The following NUP88 variants were observed in gnomAD, a reference collection of about 807,000 sequenced individuals.
The protein encoded by NUP88 is nucleoporin 88, also known as nuclear pore complex protein Nup88.
A neutral mutation model predicts 93.9 loss-of-function variants in NUP88; 57 were observed. The ratio of observed to expected loss-of-function variants is 0.61; its 90% CI spans 0.49 to 0.76. The LOEUF is 0.76. NUP88 is among the 30% of genes least tolerant of loss of function. The pLI is 0.00. For missense variants in NUP88, 911 were observed against 901.0 expected, an observed-to-expected ratio of 1.01 and a Z score of -0.14; for synonymous variants, 346 against 336.8, an observed-to-expected ratio of 1.03 and a Z score of -0.30.
rs1912035937 is a variant in NUP88 at position 5,387,001 on chromosome 17, C to G, written c.2026G>C (p.Gly676Arg). 1 of 1,613,982 alleles carries G rather than the reference C, an allele frequency of 6.2e-7. No individual in the cohort carries two copies. The highest frequency in any genetic ancestry group is 8.5e-7 in the Non-Finnish European group (1 of 1,179,990). ...QLIPDQLRHL[G>R]NAIKQVTMKK... ...ATTCCTACCTGTTTGATGGCATTGC[C>G]CAAATGTCGAAGTTGATCAGGTATC... Residue 676 changes from glycine (G) to arginine (R), a missense_variant, in exon 15 of 17, where the codon GGC becomes CGC. Coordinates refer to ENST00000573584, the MANE Select transcript of NUP88 (RefSeq NM_002532.6).
intron 9 of NUP88, among the ~76,000 whole-genome samples, chr17:5,391,919 T>C (rs1391810680): frequency 8.0e-6 from 1 of 125,764 alleles, no homozygotes; most frequent in Admixed American, 7.8e-5. Flanking sequence ...AAGTTACACG[T>C]TACACTGAAG....
At chr17:5,389,281 A>G (rs1391492300) in intron 10 of NUP88, among the ~76,000 whole-genome samples, 1 of 152,264 alleles carries the variant, frequency 6.6e-6, no homozygotes, top group Non-Finnish European at 1.5e-5. Flanking sequence ...CCACAAACAT[A>G]AATTACTTAT....
intron 7 of NUP88, among the ~76,000 whole-genome samples, chr17:5,402,317 A>C (rs1421388803): frequency 1.3e-5 from 2 of 151,974 alleles, no homozygotes; most frequent in Non-Finnish European, 2.9e-5. Context: ...CAAAAAAAAA[A>C]ACAAAAAACA....
chr17:5,395,710 G>A (rs1318764925), intron 8 of NUP88, among the ~76,000 whole-genome samples: 1 of 151,776 alleles, frequency 6.6e-6, no homozygotes, highest in Non-Finnish European at 1.5e-5. Context: ...AGTAGACAGG[G>A]TTTCACGGTA....
chr17:5,403,498 T>A (rs1567572346), intron 7 of NUP88, among the ~76,000 whole-genome samples: 1 of 151,002 alleles, frequency 6.6e-6, no homozygotes, highest in Non-Finnish European at 1.5e-5. Context: ...ATAAATGAAA[T>A]AAAAATATAA....
chr17:5,408,955 A>C, intron 4 of NUP88, 46 bp from the exon 5 acceptor site: 1 of 1,452,608 alleles, frequency 6.9e-7, no homozygotes. Flanking sequence ...AAAAACAACA[A>C]AAAGTAAAAA....
At chr17:5,404,334 C>G in intron 6 of NUP88, 88 bp from the exon 7 acceptor site, 1 of 1,395,420 alleles carries the variant, frequency 7.2e-7, no homozygotes, top group Admixed American at 1.9e-5. Flanking sequence ...GGGTCAGGGC[C>G]GGGTGCGGCT....
chr17:5,412,323 C>T (rs1016403387), intron 3 of NUP88, among the ~76,000 whole-genome samples: 1 of 152,126 alleles, frequency 6.6e-6, no homozygotes, highest in Non-Finnish European at 1.5e-5. Context: ...AATGGGTGGG[C>T]AGGGAAGGCT....
At chr17:5,402,176 G>T (rs927910871) in intron 7 of NUP88, among the ~76,000 whole-genome samples, 3 of 152,024 alleles carry the variant, frequency 2.0e-5, no homozygotes, top group African/African-American at 7.2e-5. Flanking sequence ...GCCTGGTGGC[G>T]CATGACTATA....
At chr17:5,388,048 T>G (rs1912153939) in intron 11 of NUP88, 144 bp from the exon 12 acceptor site, 1 of 775,140 alleles carries the variant, frequency 1.3e-6, no homozygotes, top group African/African-American at 1.8e-5. Flanking sequence ...TCACCCAGGC[T>G]GGAGTGCATT....
At chr17:5,402,607 C>T (rs1913238974) in intron 7 of NUP88, among the ~76,000 whole-genome samples, 1 of 152,200 alleles carries the variant, frequency 6.6e-6, no homozygotes, top group South Asian at 2.1e-4. Context: ...ATTACCAGAA[C>T]TAGGCAAACT....
intron 4 of NUP88, among the ~76,000 whole-genome samples, chr17:5,410,414 A>G (rs912495466): frequency 1.3e-5 from 2 of 152,196 alleles, no homozygotes; most frequent in Admixed American, 6.5e-5. Flanking sequence ...GCAAGATATT[A>G]TCTTAGTTTC....
chr17:5,386,082 AGAT>A lies in NUP88; in HGVS notation c.*121_*123del. ...TTATTATAAAACAACATATTTAAAA[AGAT>A]GAACCACACCAAAGGTCATCAAAAC... On this transcript the variant is annotated 3_prime_UTR_variant, in exon 17 of 17. Coordinates refer to ENST00000573584, the MANE Select transcript of NUP88 (RefSeq NM_002532.6). 1.5e-6 allele frequency: 1 copy of A among 671,510 alleles called. No individual in the cohort carries two copies. The highest frequency in any genetic ancestry group is 2.5e-6 in the Non-Finnish European group (1 of 392,378). 41.6% of individuals were successfully genotyped at this position (671,510 alleles called of 1,614,324 possible).
chr17:5,387,372 T>C lies in NUP88; in HGVS notation c.1916+14A>G, dbSNP rs1806225. 4.7e-3 allele frequency: 7,625 copies of C among 1,605,922 alleles called. 310 individuals are homozygous for C. In the African/African-American group the frequency reaches 0.086, roughly 18 times the overall value. ...TACCTGACTAGGTAACTAAATGTTA[T>C]ACAGCCCACTGACCTGTTCATGATA... is the stretch of plus-strand genomic sequence containing the variant. On this transcript the variant is annotated intron_variant, in intron 14 of 16. Coordinates refer to ENST00000573584, the MANE Select transcript of NUP88 (RefSeq NM_002532.6).
intron 8 of NUP88, among the ~76,000 whole-genome samples, chr17:5,396,424 A>T (rs748829232): frequency 6.6e-6 from 1 of 152,220 alleles, no homozygotes; most frequent in African/African-American, 2.4e-5. Context: ...TTCACTTAGC[A>T]TCTGTTCACA....
rs750058764 is a variant in NUP88, at chr17:5,386,741, T to C, written c.2129A>G (p.Gln710Arg). 8.1e-6 allele frequency: 13 copies of C among 1,613,210 alleles called. No individual in the cohort carries two copies. Among genetic ancestry groups the C allele is most frequent in the East Asian group, 6.7e-5 (3 of 44,886 alleles). Residue 710 changes from glutamine (Q) to arginine (R), a missense_variant, in exon 16 of 17, where the codon CAG becomes CGG. Gln to Arg is a conservative substitution (Grantham distance 43). Transcript: ENST00000573584. ...CAGGATGGACTGAATGCACTTTCGC[T>C]GGTAGGCACTGAGAATAATGGTGGG... The part of the protein sequence containing the change: ...PKPTIILSAY[Q>R]RKCIQSILKE...
rs772107157 is a variant in NUP88, at chr17:5,387,036, T to G, written c.1991A>C (p.Glu664Ala). The G allele has an allele frequency of 1.2e-6, 2 of 1,614,150 alleles. No individual in the cohort carries two copies. The highest frequency in any genetic ancestry group is 1.7e-5 in the Admixed American group (1 of 60,026). ...LSDSERDMKK[E>A]LQLIPDQLRH... ...AAGTTGATCAGGTATCAGCTGTAAT[T>G]CTTTCTTCATGTCTCGCTCACTATC... is the stretch of plus-strand genomic sequence containing the variant. The change falls in exon 15 of 17, where the codon GAA (glutamate) becomes GCA (alanine). Residue 664 changes from glutamate (E) to alanine (A), a missense_variant. Transcript: ENST00000573584.
chr17:5,399,791 G>A (rs1913030509), intron 7 of NUP88, 141 bp from the exon 8 acceptor site: 1 of 477,516 alleles, frequency 2.1e-6, no homozygotes, highest in Non-Finnish European at 3.7e-6. Context: ...ATATTGTTAG[G>A]GGTTTTGAAA....
At position 5,419,662 on chromosome 17, in the gene NUP88, T is replaced by C; in HGVS notation, c.-12A>G. On this transcript the variant is annotated 5_prime_UTR_variant, in exon 1 of 17. Coordinates refer to ENST00000573584, the MANE Select transcript of NUP88 (RefSeq NM_002532.6). ...TCGGCGGCCGCCATCTTGGCCCAAC[T>C]GCTCCCCTCACTCCAGTTGCTCAGC... is the stretch of plus-strand genomic sequence containing the variant. 2 of 1,573,634 alleles carry C rather than the reference T, an allele frequency of 1.3e-6. No individual in the cohort carries two copies. Among genetic ancestry groups the C allele is most frequent in the Non-Finnish European group, 1.7e-6 (2 of 1,159,956 alleles).
Sources: allele counts gnomAD v4.1 joint callset (sites outside exome capture counted in the v4.1 genomes callset), GRCh38; gene constraint gnomAD v4.1.1; transcripts MANE v1.5; gene names NCBI Gene and HGNC (gene_info 2026-07-23, HGNC 2026-07-21).